The following DOCK7 variants were observed in gnomAD, a reference collection of about 807,000 sequenced individuals.
The protein encoded by DOCK7 is dedicator of cytokinesis 7.
Under a neutral mutation model 271.0 loss-of-function variants are expected in DOCK7, and 138 were observed. The ratio of observed to expected loss-of-function variants is 0.51; its 90% CI spans 0.44 to 0.59. The LOEUF is 0.59. Among genes scored for constraint, DOCK7 ranks in the 20% least tolerant of loss-of-function variants. The pLI is 0.00. For missense variants in DOCK7, 2,066 were observed against 2,592.4 expected (o/e 0.80, Z 4.41); for synonymous variants, 823 against 876.1 (o/e 0.94, Z 1.07).
intron 18 of DOCK7, among the ~76,000 whole-genome samples, chr1:62,566,517 C>G (rs898004958): frequency 3.3e-5 from 5 of 152,150 alleles, no homozygotes; most frequent in Admixed American, 1.3e-4. Context: ...AAACTGGACC[C>G]TTCCTTACAC....
chr1:62,555,748 G>T, intron 21 of DOCK7, 77 bp downstream of exon 21: 1 of 1,476,934 alleles, frequency 6.8e-7, no homozygotes, highest in Non-Finnish European at 9.1e-7. Flanking sequence ...TCACAGTATG[G>T]ACTACAAAAT....
rs186780373 is a variant in DOCK7, at chr1:62,611,272, T to C, written c.1682+7434A>G. 7.8e-3 allele frequency among the ~76,000 whole-genome samples: 1,189 copies of C among 152,318 alleles called. 4 individuals carry two copies. Among genetic ancestry groups the C allele is most frequent in the Non-Finnish European group, 0.012 (808 of 68,038 alleles). On this transcript the variant is annotated intron_variant, in intron 14 of 49. Transcript: ENST00000635253. Reference sequence around the variant, plus strand: ...TCCTTTGTTATTCTATATATTTTATTTCATGCATTTAAAAACATTTAAACA... The same window carrying C: ...TCCTTTGTTATTCTATATATTTTATCTCATGCATTTAAAAACATTTAAACA...
intron 14 of DOCK7, among the ~76,000 whole-genome samples, chr1:62,587,497 A>G (rs1391618303): frequency 1.3e-5 from 2 of 152,088 alleles, no homozygotes; most frequent in Non-Finnish European, 2.9e-5. Flanking sequence ...GACCCAACAA[A>G]CACACCTCTA....
At chr1:62,546,314 C>G (rs936743130) in intron 22 of DOCK7, among the ~76,000 whole-genome samples, 12 of 152,050 alleles carry the variant, frequency 7.9e-5, no homozygotes, top group Non-Finnish European at 1.6e-4. Flanking sequence ...AAAACCGCAA[C>G]CCTCAAGGGC....
At chr1:62,520,931 G>A (rs990908111) in intron 31 of DOCK7, among the ~76,000 whole-genome samples, 1 of 152,148 alleles carries the variant, frequency 6.6e-6, no homozygotes, top group Admixed American at 6.6e-5. Flanking sequence ...CCATAAAAAG[G>A]ATGAGTTCAT....
intron 2 of DOCK7, among the ~76,000 whole-genome samples, chr1:62,658,387 G>C (rs1457032891): frequency 6.6e-6 from 1 of 152,102 alleles, no homozygotes; most frequent in East Asian, 1.9e-4. Flanking sequence ...CTGCCTCCAG[G>C]AGGCAGAGGT....
chr1:62,539,486 A>G, intron 27 of DOCK7, 59 bp downstream of exon 27: 3 of 1,396,136 alleles, frequency 2.1e-6, no homozygotes, highest in Non-Finnish European at 2.9e-6. Context: ...CTAACTTTGA[A>G]AAGAACTAAC....
chr1:62,627,098 A>G (rs963472411), intron 11 of DOCK7, among the ~76,000 whole-genome samples: 1 of 152,182 alleles, frequency 6.6e-6, no homozygotes, highest in Non-Finnish European at 1.5e-5. Context: ...CAAAAACCAC[A>G]TCATTCGATG....
At chr1:62,630,607 C>A (rs1654503312) in intron 11 of DOCK7, among the ~76,000 whole-genome samples, 1 of 152,000 alleles carries the variant, frequency 6.6e-6, no homozygotes, top group Non-Finnish European at 1.5e-5. Flanking sequence ...GAAATGAGTA[C>A]CCAAAACTCC....
intron 19 of DOCK7, among the ~76,000 whole-genome samples, chr1:62,560,241 C>T (rs1342294718): frequency 6.6e-6 from 1 of 152,190 alleles, no homozygotes; most frequent in Non-Finnish European, 1.5e-5. Context: ...AGTCCCTCCA[C>T]ACCACCCTTT....
intron 31 of DOCK7, among the ~76,000 whole-genome samples, chr1:62,525,786 G>C (rs1274113477): frequency 6.6e-6 from 1 of 152,028 alleles, no homozygotes; most frequent in African/African-American, 2.4e-5. Flanking sequence ...TTGCTACACT[G>C]GAATTCATTA....
At chr1:62,621,956 T>C (rs1571805001) in intron 12 of DOCK7, among the ~76,000 whole-genome samples, 1 of 152,238 alleles carries the variant, frequency 6.6e-6, no homozygotes, top group Non-Finnish European at 1.5e-5. Context: ...TTGGTCTCCA[T>C]TCTTTACTCC....
intron 48 of DOCK7, among the ~76,000 whole-genome samples, chr1:62,471,019 C>G (rs1255316458): frequency 6.6e-6 from 1 of 152,140 alleles, no homozygotes; most frequent in South Asian, 2.1e-4. Context: ...AACATGAAGG[C>G]AAGGAGGATG....
chr1:62,582,549 CAAAAAAAAAAAA>C (rs34110232), intron 16 of DOCK7, among the ~76,000 whole-genome samples: 23 of 16,868 alleles, frequency 1.4e-3, no homozygotes, highest in Admixed American at 6.5e-3. Flanking sequence ...GACTCCGTCT[CAAAAAAAAAAAA>C]AAAAAAAAAA....
intron 14 of DOCK7, among the ~76,000 whole-genome samples, chr1:62,611,646 C>T (rs1354659189): frequency 6.6e-6 from 1 of 152,078 alleles, no homozygotes; most frequent in Non-Finnish European, 1.5e-5. Context: ...GTTTAAGAAA[C>T]ATGAATTACA....
At chr1:62,599,069 T>C (rs939910533) in intron 14 of DOCK7, among the ~76,000 whole-genome samples, 1 of 152,060 alleles carries the variant, frequency 6.6e-6, no homozygotes, top group Non-Finnish European at 1.5e-5. Flanking sequence ...ACAGAACTTA[T>C]AGGATTATTG....
At chr1:62,598,180 C>A in intron 14 of DOCK7, 3 of 995,088 alleles carry the variant, frequency 3.0e-6, no homozygotes, top group Non-Finnish European at 2.8e-6. Context: ...CTTTTTTTTC[C>A]AAGAAAAATA....
intron 2 of DOCK7, among the ~76,000 whole-genome samples, chr1:62,657,360 T>C (rs1658147838): frequency 6.6e-6 from 1 of 152,046 alleles, no homozygotes; most frequent in Non-Finnish European, 1.5e-5. Context: ...AAGTAAGAAA[T>C]CTGAACTTCT....
intron 16 of DOCK7, among the ~76,000 whole-genome samples, chr1:62,582,606 A>ACCCC (rs1557754286): frequency 1.3e-4 from 19 of 141,114 alleles, no homozygotes; most frequent in African/African-American, 3.4e-4. Context: ...TGGGCCCCAA[A>ACCCC]AAAAAAAAGA....
Sources: allele counts gnomAD v4.1 joint callset (sites outside exome capture counted in the v4.1 genomes callset), GRCh38; gene constraint gnomAD v4.1.1; transcripts MANE v1.5; gene names NCBI Gene and HGNC (gene_info 2026-07-23, HGNC 2026-07-21).